TMC1: variants seen among roughly 807,000 people sequenced by gnomAD.
The protein encoded by TMC1 is transmembrane channel-like protein 1.
TMC1 carries 84 observed loss-of-function variants against 105.8 expected under a neutral mutation model. The observed-to-expected ratio is 0.79, with a 90% CI of 0.67 to 0.95. TMC1 has a LOEUF of 0.95. TMC1 is among the 40% of genes least tolerant of loss of function. The pLI, the probability that TMC1 is intolerant of heterozygous loss-of-function variation, is 0.00. For synonymous variants in TMC1, 315 were observed against 311.5 expected, an observed-to-expected ratio of 1.01 and a Z score of -0.12; for missense variants, 817 against 914.1, an observed-to-expected ratio of 0.89 and a Z score of 1.37.
chr9:72,622,921 G>A lies in TMC1; in HGVS notation c.-195-5000G>A, dbSNP rs1464034491. ...ACAAAAATTAGCTGGGTGTGGTGGCGGGTGCCTGTAATCCCAGCTACTCGG... is the reference window on the plus strand; with the variant it reads ...ACAAAAATTAGCTGGGTGTGGTGGCAGGTGCCTGTAATCCCAGCTACTCGG... On this transcript the variant is annotated intron_variant, in intron 3 of 23. Coordinates refer to ENST00000297784, the MANE Select transcript of TMC1 (RefSeq NM_138691.3). Among the ~76,000 whole-genome samples the A allele has an allele frequency of 1.1e-4, 17 of 151,594 alleles. No homozygotes were observed. The East Asian group carries it at 2.1e-3, about 19-fold the overall frequency.
chr9:72,580,245 A>G (rs1185849064), intron 2 of TMC1, among the ~76,000 whole-genome samples: 2 of 152,178 alleles, frequency 1.3e-5, no homozygotes, highest in East Asian at 3.8e-4. Flanking sequence ...GGGGAACTAT[A>G]TCTTTTCCTA....
intron 1 of TMC1, among the ~76,000 whole-genome samples, chr9:72,576,510 C>T (rs1042290744): frequency 2.6e-5 from 4 of 151,830 alleles, no homozygotes; most frequent in African/African-American, 4.8e-5. Context: ...CTTGTGCCAA[C>T]GACTGTACAC....
In TMC1 at chr9:72,699,956, C is replaced by CAAAAAA. The variant is rs61062887; in HGVS notation, c.237-543_237-538dup. ...TGGGCAACAGAACGAGACTCTGTCT[C>CAAAAAA]AAAAAAAAAAAAAAAAAAAAAAAAG... is the stretch of plus-strand genomic sequence containing the variant. On this transcript the variant is annotated intron_variant, in intron 7 of 23. Coordinates refer to ENST00000297784, the MANE Select transcript of TMC1 (RefSeq NM_138691.3). Among the ~76,000 whole-genome samples the CAAAAAA allele has an allele frequency of 1.5e-3, 69 of 46,572 alleles. 1 individual carries two copies. Among genetic ancestry groups the CAAAAAA allele is most frequent in the Non-Finnish European group, 2.5e-3 (59 of 24,030 alleles). The allele number at this position is 46,572 out of a possible 152,430, so 30.6% of individuals were successfully genotyped here. A position where few individuals can be genotyped will look rare whatever the true frequency, so the allele number is the denominator to read the frequency against.
At chr9:72,542,695 T>G (rs569718424) in intron 1 of TMC1, among the ~76,000 whole-genome samples, 7 of 152,212 alleles carry the variant, frequency 4.6e-5, no homozygotes, top group Admixed American at 4.6e-4. Context: ...TTTGTTTTTT[T>G]TTGAGACAGA....
At chr9:72,656,507 T>C (rs1466734688) in intron 5 of TMC1, among the ~76,000 whole-genome samples, 1 of 152,168 alleles carries the variant, frequency 6.6e-6, no homozygotes, top group East Asian at 1.9e-4. Flanking sequence ...TCTTTCTCAT[T>C]GTCTTAAACA....
At chr9:72,548,754 G>T (rs1823813027) in intron 1 of TMC1, among the ~76,000 whole-genome samples, 1 of 152,148 alleles carries the variant, frequency 6.6e-6, no homozygotes, top group Non-Finnish European at 1.5e-5. Flanking sequence ...GAGAGGGCGA[G>T]GCAGGAGGAT....
At chr9:72,609,193 CT>C (rs1208073834) in intron 2 of TMC1, among the ~76,000 whole-genome samples, 1 of 144,092 alleles carries the variant, frequency 6.9e-6, no homozygotes, top group Non-Finnish European at 1.5e-5. Context: ...TCCTTCCTTC[CT>C]TCCTTCCTTC....
chr9:72,598,342 C>T (rs902299484), intron 2 of TMC1, among the ~76,000 whole-genome samples: 2 of 136,752 alleles, frequency 1.5e-5, no homozygotes, highest in Non-Finnish European at 3.2e-5. Flanking sequence ...GGGGCCCATA[C>T]AGAGACTTAT....
chr9:72,776,599 C>T (rs1322378675), intron 13 of TMC1, among the ~76,000 whole-genome samples: 1 of 152,026 alleles, frequency 6.6e-6, no homozygotes, highest in Non-Finnish European at 1.5e-5. Flanking sequence ...TATCTTCTAC[C>T]CCTTACACCT....
At chr9:72,556,351 A>T (rs1397591880) in intron 1 of TMC1, among the ~76,000 whole-genome samples, 2 of 151,332 alleles carry the variant, frequency 1.3e-5, no homozygotes, top group East Asian at 4.0e-4. Flanking sequence ...TCCTGACCTC[A>T]GGTGATCCAC....
intron 4 of TMC1, among the ~76,000 whole-genome samples, chr9:72,633,868 C>T (rs2132137530): frequency 6.6e-6 from 1 of 152,228 alleles, no homozygotes; most frequent in South Asian, 2.1e-4. Context: ...ACATCCGATC[C>T]CATGGACTAA....
chr9:72,715,103 G>T (rs890095399), intron 8 of TMC1, among the ~76,000 whole-genome samples: 1 of 152,118 alleles, frequency 6.6e-6, no homozygotes, highest in Admixed American at 6.5e-5. Context: ...CTGTCTTCTG[G>T]CTTGTAGGGT....
chr9:72,571,369 T>A (rs1241315871), intron 1 of TMC1, among the ~76,000 whole-genome samples: 1 of 119,860 alleles, frequency 8.3e-6, no homozygotes. Context: ...TACTATTACT[T>A]CTCTCTTTCT....
In TMC1 at chr9:72,772,640, G is replaced by C. The variant is rs1194908454; in HGVS notation, c.884+85G>C. On this transcript the variant is annotated intron_variant, in intron 13 of 23. Coordinates refer to ENST00000297784, the MANE Select transcript of TMC1 (RefSeq NM_138691.3). Reference sequence around the variant, plus strand: ...TAATTTGGGGATTGGATATAATTTTGTTGCTATTTTATGTCTAAAGGAAAC... The same window carrying C: ...TAATTTGGGGATTGGATATAATTTTCTTGCTATTTTATGTCTAAAGGAAAC... 5.1e-6 allele frequency: 8 copies of C among 1,573,104 alleles called. No homozygotes were observed. The East Asian group carries it at 1.6e-4, about 31-fold the overall frequency.
chr9:72,701,684 G>T (rs1826648927), intron 8 of TMC1, among the ~76,000 whole-genome samples: 1 of 152,174 alleles, frequency 6.6e-6, no homozygotes. Flanking sequence ...GGTTCTGCAA[G>T]AGCTTGTGTG....
chr9:72,778,958 C>T (rs1387539050), intron 13 of TMC1, among the ~76,000 whole-genome samples: 1 of 152,218 alleles, frequency 6.6e-6, no homozygotes, highest in African/African-American at 2.4e-5. Flanking sequence ...ATGCATGGAC[C>T]CTGCTGCTCT....
intron 1 of TMC1, among the ~76,000 whole-genome samples, chr9:72,569,589 G>A (rs950370408): frequency 4.6e-5 from 7 of 152,156 alleles, no homozygotes; most frequent in African/African-American, 1.7e-4. Flanking sequence ...ATGGGGCAGG[G>A]CATTTAGGCA....
intron 8 of TMC1, among the ~76,000 whole-genome samples, chr9:72,720,815 C>T (rs1349974540): frequency 2.0e-5 from 3 of 152,056 alleles, no homozygotes; most frequent in Non-Finnish European, 2.9e-5. Context: ...CTTGTTTGTT[C>T]ATCATATATA....
chr9:72,756,948 G>T (rs1397878994), intron 12 of TMC1, among the ~76,000 whole-genome samples: 1 of 152,138 alleles, frequency 6.6e-6, no homozygotes, highest in East Asian at 1.9e-4. Flanking sequence ...TGGATGATGA[G>T]TGTGCTTCCC....
Sources: allele counts gnomAD v4.1 joint callset (sites outside exome capture counted in the v4.1 genomes callset), GRCh38; gene constraint gnomAD v4.1.1; transcripts MANE v1.5; gene names NCBI Gene and HGNC (gene_info 2026-07-23, HGNC 2026-07-21).